Variants in FAM120A observed in about 807,000 individuals in gnomAD.
FAM120A encodes the protein family with sequence similarity 120 member A.
In FAM120A, 15 loss-of-function variants were observed where a neutral mutation model predicts 109.7. The ratio of observed to expected loss-of-function variants is 0.14; its 90% CI spans 0.09 to 0.21. The LOEUF (loss-of-function observed/expected upper bound fraction) is 0.21, where lower values mean the gene tolerates loss of function less well. Ranked by LOEUF, FAM120A falls within the 10% of genes least tolerant of loss-of-function variation. The probability of loss-of-function intolerance (pLI) is 1.00; values close to 1 mark genes in which losing one functional copy is unlikely to be tolerated. For synonymous variants in FAM120A, 493 were observed against 572.8 expected (o/e 0.86, Z 1.99); for missense variants, 899 against 1,439.3 (o/e 0.62, Z 6.07).
At chr9:93,463,694 AGGT>A (rs2131226008) in intron 1 of FAM120A, among the ~76,000 whole-genome samples, 1 of 152,302 alleles carries the variant, frequency 6.6e-6, no homozygotes, top group African/African-American at 2.4e-5. Flanking sequence ...CTCTTATGTC[AGGT>A]TGTTTTATAT....
chr9:93,460,397 A>C (rs994823296), intron 1 of FAM120A, among the ~76,000 whole-genome samples: 1 of 152,130 alleles, frequency 6.6e-6, no homozygotes, highest in Admixed American at 6.5e-5. Flanking sequence ...CCTGGAGTGC[A>C]GTGACACAAT....
At position 93,452,272 on chromosome 9, in the gene FAM120A, A is replaced by T. The variant is rs1312929576; in HGVS notation, c.357A>T (p.Ala119=). ...GGCAGGGCAACGAGCGCCAGACGGC[A>T]CAGCAGATCGTCAGCCATGTCCAGA... ...VKRQGNERQT[A]QQIVSHVQNK... Residue 119 remains alanine, a synonymous_variant, in exon 1 of 18, where the codon GCA becomes GCT. Transcript: ENST00000277165. The surrounding 1 kb of genome is among the most constrained non-coding windows in gnomAD (Gnocchi z 7.0). 9 of 1,612,460 alleles carry T rather than the reference A, an allele frequency of 5.6e-6. No individual in the cohort carries two copies. Among genetic ancestry groups the T allele is most frequent in the Non-Finnish European group, 7.6e-6 (9 of 1,179,806 alleles).
chr9:93,562,388 TCAGA>T, intron 17 of FAM120A, 84 bp downstream of exon 17: 1 of 1,011,498 alleles, frequency 9.9e-7, no homozygotes, highest in Non-Finnish European at 1.5e-6. Flanking sequence ...GTACCTGCGC[TCAGA>T]CAGAAGAGCT....
At position 93,529,581 on chromosome 9, in the gene FAM120A, G is replaced by A. The variant is rs1450683274; in HGVS notation, c.1734+1G>A. On this transcript the variant is annotated splice_donor_variant, in intron 9 of 17. Coordinates refer to ENST00000277165, the MANE Select transcript of FAM120A (RefSeq NM_014612.5). LOFTEE classifies it high-confidence loss of function. The stretch of plus-strand genomic sequence containing the variant: ...CTACATCTTCCATGTCCTGACGAAG[G>A]TATTATCAAAGGGGCCCTGGAGTGG... The A allele has an allele frequency of 6.2e-7, 1 of 1,614,128 alleles. No individual in the cohort carries two copies. Among genetic ancestry groups the A allele is most frequent in the Non-Finnish European group, 8.5e-7 (1 of 1,179,960 alleles).
At chr9:93,499,967 A>G (rs1417012274) in intron 5 of FAM120A, among the ~76,000 whole-genome samples, 3 of 152,238 alleles carry the variant, frequency 2.0e-5, no homozygotes, top group Non-Finnish European at 2.9e-5. Context: ...CTGCCTATGT[A>G]TGTGGCTGGG....
intron 11 of FAM120A, among the ~76,000 whole-genome samples, chr9:93,548,894 T>A (rs962250002): frequency 6.6e-6 from 1 of 151,950 alleles, no homozygotes; most frequent in Non-Finnish European, 1.5e-5. Flanking sequence ...AATACAAAAA[T>A]TAGCCAGGTG....
chr9:93,461,141 C>T (rs753013460), intron 1 of FAM120A, among the ~76,000 whole-genome samples: 8 of 152,120 alleles, frequency 5.3e-5, no homozygotes, highest in African/African-American at 1.4e-4. Context: ...TACTTTTATG[C>T]GCCAGTCATT....
At chr9:93,552,638 ATTAT>A (rs1478116153) in intron 12 of FAM120A, among the ~76,000 whole-genome samples, 1 of 152,252 alleles carries the variant, frequency 6.6e-6, no homozygotes, top group African/African-American at 2.4e-5. Context: ...AGGAATGATC[ATTAT>A]TTAAATGCTA....
chr9:93,456,983 C>G (rs1246796533), intron 1 of FAM120A, among the ~76,000 whole-genome samples: 1 of 152,148 alleles, frequency 6.6e-6, no homozygotes, highest in African/African-American at 2.4e-5. Flanking sequence ...ATATATTTCT[C>G]TGTTGTACTA....
chr9:93,530,695 AC>A (rs1374730313), intron 9 of FAM120A: 1 of 152,232 alleles, frequency 6.6e-6, no homozygotes, highest in Non-Finnish European at 1.5e-5. Flanking sequence ...TGTAAGGTGA[AC>A]ATTTTATTTT....
At chr9:93,543,615 A>G (rs1006161178) in intron 11 of FAM120A, 144 bp downstream of exon 11, 8 of 1,098,120 alleles carry the variant, frequency 7.3e-6, no homozygotes, top group South Asian at 3.4e-5. Context: ...ATATTTATAT[A>G]TGTGATAGAA....
chr9:93,543,432 A>G lies in FAM120A; in HGVS notation c.2120A>G (p.Asn707Ser), dbSNP rs1209609582. The change falls in exon 11 of 18, where the codon AAC becomes AGC. Residue 707 changes from asparagine (N) to serine (S), a missense_variant. Physicochemically the swap from Asn to Ser is conservative, Grantham distance 46. This residue lies in a region of FAM120A where 133 missense variants were observed against 276.6 expected (regional missense o/e 0.48). Coordinates refer to ENST00000277165, the MANE Select transcript of FAM120A (RefSeq NM_014612.5). The part of the protein sequence containing the change: ...SDTPAMLNPA[N>S]VPTHLMVLCC... ...ACCCCAGCCATGCTCAACCCTGCCA[A>G]CGTGCCCACTCACCTCATGGTGCTC... 6 of 1,614,052 alleles carry G rather than the reference A, an allele frequency of 3.7e-6. No individual in the cohort carries two copies. The highest frequency in any genetic ancestry group is 4.2e-6 in the Non-Finnish European group (5 of 1,180,036).
rs925216346 is a variant in FAM120A at position 93,452,513 on chromosome 9, G to T, written c.474+124G>T. On this transcript the variant is annotated intron_variant, in intron 1 of 17. Transcript: ENST00000277165. This position sits in a 1 kb window ranked among gnomAD's most constrained non-coding sequence, Gnocchi z 7.0. ...GGGGCAGCGAGTTCCCCCAGCCCTT[G>T]CCCGGGATAGCCTGGCCGGGCCGGG... 5.8e-6 allele frequency: 9 copies of T among 1,550,740 alleles called. No individual in the cohort carries two copies. In the South Asian group the frequency reaches 8.0e-5, roughly 14 times the overall value.
chr9:93,487,287 G>A (rs1181059723), intron 3 of FAM120A, among the ~76,000 whole-genome samples: 1 of 151,912 alleles, frequency 6.6e-6, no homozygotes, highest in African/African-American at 2.4e-5. Flanking sequence ...TCAGCCTCCC[G>A]AGCAGCTGGG....
In FAM120A at chr9:93,522,594, CA is replaced by C. The variant is rs369335559; in HGVS notation, c.1419-4560del. Among the ~76,000 whole-genome samples the C allele has an allele frequency of 1.5e-3, 225 of 152,274 alleles. 7 individuals are homozygous for C. The South Asian group carries it at 0.043, about 29-fold the overall frequency. Reference sequence around the variant, plus strand: ...TAATATTTTTGCATAAAATTACTGACATTTTTAAATGGATATGTAAAAGTCC... The same window carrying C: ...TAATATTTTTGCATAAAATTACTGACTTTTTAAATGGATATGTAAAAGTCC... On this transcript the variant is annotated intron_variant, in intron 7 of 17. Transcript: ENST00000277165.
At position 93,529,387 on chromosome 9, in the gene FAM120A, A is replaced by T. The variant is rs766627581; in HGVS notation, c.1541A>T (p.Gln514Leu). The T allele has an allele frequency of 1.2e-6, 2 of 1,612,220 alleles. No individual in the cohort carries two copies. Among genetic ancestry groups the T allele is most frequent in the South Asian group, 2.2e-5 (2 of 90,806 alleles). ...TCGTCCACTGCCTCTTCAGGAAGCC[A>T]ACTAGCCGAAGGCAAGGGAAGCCAG... ...EGSSTASSGS[Q>L]LAEGKGSQMG... The change falls in exon 9 of 18, where the codon CAA becomes CTA. Residue 514 changes from glutamine (Q) to leucine (L), a missense_variant. Around this residue, in one of 11 missense-constraint regions of FAM120A, gnomAD observed 57 missense variants for 52.9 expected, o/e 1.08. Transcript: ENST00000277165.
At chr9:93,563,519 T>G (rs926285869) in intron 17 of FAM120A, among the ~76,000 whole-genome samples, 1 of 152,236 alleles carries the variant, frequency 6.6e-6, no homozygotes, top group Non-Finnish European at 1.5e-5. Flanking sequence ...CTACGGTGTG[T>G]GGGACAGCCC....
At chr9:93,526,595 T>C (rs902489024) in intron 7 of FAM120A, among the ~76,000 whole-genome samples, 3 of 152,170 alleles carry the variant, frequency 2.0e-5, no homozygotes, top group African/African-American at 7.2e-5. Flanking sequence ...CCACCAAGTT[T>C]GTGCCATCTC....
chr9:93,478,520 A>C (rs910867477), intron 3 of FAM120A, among the ~76,000 whole-genome samples: 4 of 152,204 alleles, frequency 2.6e-5, no homozygotes, highest in African/African-American at 9.7e-5. Context: ...TCTGTCACCC[A>C]GGATGGAGTA....
Sources: allele counts gnomAD v4.1 joint callset (sites outside exome capture counted in the v4.1 genomes callset), GRCh38; gene constraint gnomAD v4.1.1; regional missense constraint gnomAD v4.1.1; non-coding constraint Gnocchi (gnomAD v3.1); transcripts MANE v1.5; gene names NCBI Gene and HGNC (gene_info 2026-07-23, HGNC 2026-07-21).